Variants in PLCXD3 observed in about 807,000 individuals in gnomAD.
The protein encoded by PLCXD3 is phosphatidylinositol specific phospholipase C X domain containing 3, also known as PI-PLC X domain-containing protein 3.
PLCXD3 carries 19 observed loss-of-function variants against 25.5 expected under a neutral mutation model. That is an observed-to-expected ratio of 0.75 (90% CI 0.52 to 1.09). The LOEUF is 1.09. Ranked by LOEUF, PLCXD3 falls within the 50% of genes least tolerant of loss-of-function variation. The pLI is 0.00. For synonymous variants in PLCXD3, 174 were observed against 137.6 expected (o/e 1.26, Z -1.85); for missense variants, 411 against 388.1 (o/e 1.06, Z -0.50).
chr5:41,422,434 G>C (rs1746850260), intron 1 of PLCXD3, among the ~76,000 whole-genome samples: 1 of 152,180 alleles, frequency 6.6e-6, no homozygotes, highest in African/African-American at 2.4e-5. Context: ...TATCTGGGTA[G>C]GATGGGTCTC....
chr5:41,390,830 G>A (rs1745791328), intron 1 of PLCXD3, among the ~76,000 whole-genome samples: 1 of 152,210 alleles, frequency 6.6e-6, no homozygotes, highest in Admixed American at 6.5e-5. Flanking sequence ...AGAAAAAGCA[G>A]TGCTGAATGG....
chr5:41,491,095 C>T (rs1291304748), intron 1 of PLCXD3, among the ~76,000 whole-genome samples: 7 of 152,202 alleles, frequency 4.6e-5, no homozygotes. Context: ...TCCCTCTACA[C>T]ACTGCTTTGA....
chr5:41,460,459 GA>G (rs141481025), intron 1 of PLCXD3, among the ~76,000 whole-genome samples: 2,583 of 152,018 alleles, frequency 0.017, 75 homozygotes, highest in African/African-American at 0.059. Flanking sequence ...ACTTTAGAGT[GA>G]GGGCTGTCAA....
chr5:41,426,213 T>A (rs912450115), intron 1 of PLCXD3, among the ~76,000 whole-genome samples: 1 of 152,180 alleles, frequency 6.6e-6, no homozygotes, highest in Non-Finnish European at 1.5e-5. Flanking sequence ...ATGTGGAGCA[T>A]CTTTTCATAT....
chr5:41,420,819 T>C (rs1272043898), intron 1 of PLCXD3, among the ~76,000 whole-genome samples: 1 of 152,246 alleles, frequency 6.6e-6, no homozygotes, highest in Non-Finnish European at 1.5e-5. Flanking sequence ...CACCTTTGCA[T>C]TGTCTGCAAG....
chr5:41,441,870 G>A (rs530210687), intron 1 of PLCXD3, among the ~76,000 whole-genome samples: 20 of 152,292 alleles, frequency 1.3e-4, no homozygotes, highest in African/African-American at 4.3e-4. Context: ...ACAAATGCTT[G>A]TTTTGATCAT....
At chr5:41,444,744 C>G (rs748547774) in intron 1 of PLCXD3, among the ~76,000 whole-genome samples, 2 of 152,114 alleles carry the variant, frequency 1.3e-5, no homozygotes, top group African/African-American at 4.8e-5. Flanking sequence ...CTGAATCCCA[C>G]TAATTGTGCA....
Position 41,312,134 on chromosome 5 carries a change from A to C in PLCXD3, c.*1483T>G, listed in dbSNP as rs1743148953. 2 of 152,226 alleles carry C rather than the reference A, an allele frequency of 1.3e-5. No homozygotes were observed. Among genetic ancestry groups the C allele is most frequent in the African/African-American group, 4.8e-5 (2 of 41,266 alleles). 9.4% of individuals were successfully genotyped at this position (152,226 alleles called of 1,614,324 possible). On this transcript the variant is annotated 3_prime_UTR_variant, in exon 3 of 3. Coordinates refer to ENST00000377801, the MANE Select transcript of PLCXD3 (RefSeq NM_001005473.3). ...TTTAGAGTTGTCAAATATCACAATG[A>C]CACGAAGGAGGAAGTAACGCTCAAG...
intron 1 of PLCXD3, among the ~76,000 whole-genome samples, chr5:41,496,022 A>G (rs1207837860): frequency 6.6e-6 from 1 of 152,162 alleles, no homozygotes; most frequent in African/African-American, 2.4e-5. Context: ...CATCAAACAG[A>G]AAATATTTTA....
At chr5:41,364,146 G>C (rs1308214639) in intron 2 of PLCXD3, among the ~76,000 whole-genome samples, 1 of 152,126 alleles carries the variant, frequency 6.6e-6, no homozygotes, top group African/African-American at 2.4e-5. Flanking sequence ...TAACTCAGGG[G>C]AAGGTGCTAC....
At chr5:41,486,980 C>T (rs1221238854) in intron 1 of PLCXD3, among the ~76,000 whole-genome samples, 1 of 152,122 alleles carries the variant, frequency 6.6e-6, no homozygotes, top group Non-Finnish European at 1.5e-5. Context: ...ACTTGAATTA[C>T]CAACTTACAG....
At chr5:41,464,235 T>C (rs541100331) in intron 1 of PLCXD3, among the ~76,000 whole-genome samples, 1 of 152,210 alleles carries the variant, frequency 6.6e-6, no homozygotes, top group Admixed American at 6.6e-5. Flanking sequence ...GAGCCATTTA[T>C]TGAGTTCTCC....
At chr5:41,366,020 G>A (rs1173640679) in intron 2 of PLCXD3, among the ~76,000 whole-genome samples, 1 of 151,760 alleles carries the variant, frequency 6.6e-6, no homozygotes, top group Non-Finnish European at 1.5e-5. Flanking sequence ...GTATACATGT[G>A]CCATGTTGGT....
At chr5:41,402,352 T>G (rs991058825) in intron 1 of PLCXD3, among the ~76,000 whole-genome samples, 3 of 151,822 alleles carry the variant, frequency 2.0e-5, no homozygotes, top group African/African-American at 7.2e-5. Flanking sequence ...TCTAAGTAAT[T>G]TATAAATGTG....
intron 1 of PLCXD3, among the ~76,000 whole-genome samples, chr5:41,491,573 C>T (rs1748672262): frequency 6.6e-6 from 1 of 152,102 alleles, no homozygotes; most frequent in South Asian, 2.1e-4. Flanking sequence ...GAGTCTAAGT[C>T]TCTTTGTAGG....
chr5:41,338,229 A>T (rs1228195910), intron 2 of PLCXD3, among the ~76,000 whole-genome samples: 2 of 152,142 alleles, frequency 1.3e-5, no homozygotes, highest in Non-Finnish European at 2.9e-5. Context: ...GAGATTAAAG[A>T]TGTGCCTAAA....
Position 41,312,952 on chromosome 5 carries a change from T to A in PLCXD3, c.*665A>T, listed in dbSNP as rs1267656041. 6.6e-6 allele frequency: 1 copy of A among 152,576 alleles called. No individual in the cohort carries two copies. Among genetic ancestry groups the A allele is most frequent in the Non-Finnish European group, 1.5e-5 (1 of 68,030 alleles). The allele number at this position is 152,576 out of a possible 1,614,324, so 9.5% of individuals were successfully genotyped here. A position where few individuals can be genotyped will look rare whatever the true frequency, so the allele number is the denominator to read the frequency against. ...CATTCACAGCTCTCCAAAAACATTT[T>A]TCTCCTATATTTATAGCTGCCTTAA... On this transcript the variant is annotated 3_prime_UTR_variant, in exon 3 of 3. Coordinates refer to ENST00000377801, the MANE Select transcript of PLCXD3 (RefSeq NM_001005473.3).
At chr5:41,343,240 A>G (rs1447844021) in intron 2 of PLCXD3, among the ~76,000 whole-genome samples, 1 of 152,136 alleles carries the variant, frequency 6.6e-6, no homozygotes, top group African/African-American at 2.4e-5. Context: ...CACCATAATT[A>G]TAATAGAAAA....
At chr5:41,474,949 C>A (rs544489123) in intron 1 of PLCXD3, among the ~76,000 whole-genome samples, 3 of 152,122 alleles carry the variant, frequency 2.0e-5, no homozygotes, top group Non-Finnish European at 4.4e-5. Context: ...TTCTGCAATC[C>A]GCATTTGCAT....
Sources: allele counts gnomAD v4.1 joint callset (sites outside exome capture counted in the v4.1 genomes callset), GRCh38; gene constraint gnomAD v4.1.1; transcripts MANE v1.5; gene names NCBI Gene and HGNC (gene_info 2026-07-23, HGNC 2026-07-21).